ITGAV: variants seen among roughly 807,000 people sequenced by gnomAD.
ITGAV encodes the protein integrin subunit alpha V.
In ITGAV, 76 loss-of-function variants were observed where a neutral mutation model predicts 143.8. That is an observed-to-expected ratio of 0.53 (90% CI 0.44 to 0.64). The LOEUF (loss-of-function observed/expected upper bound fraction) is 0.64, where lower values mean the gene tolerates loss of function less well. ITGAV is among the 30% of genes least tolerant of loss of function. ITGAV has a pLI of 0.00. For missense variants in ITGAV, 1,193 were observed against 1,274.7 expected, an observed-to-expected ratio of 0.94 and a Z score of 0.98; for synonymous variants, 453 against 446.7, an observed-to-expected ratio of 1.01 and a Z score of -0.18.
At chr2:186,668,211 TATATA>T (rs1240925235) in intron 24 of ITGAV, among the ~76,000 whole-genome samples, 21 of 26,340 alleles carry the variant, frequency 8.0e-4, no homozygotes, top group African/African-American at 2.1e-3. Flanking sequence ...TATATATATA[TATATA>T]TTTTTTTTTT....
chr2:186,616,345 C>G (rs968258475), intron 2 of ITGAV, among the ~76,000 whole-genome samples: 8 of 132,364 alleles, frequency 6.0e-5, no homozygotes, highest in Admixed American at 3.6e-4. Flanking sequence ...GTGGCACGAT[C>G]TCGGCTCACT....
intron 2 of ITGAV, among the ~76,000 whole-genome samples, chr2:186,607,848 C>A (rs1487007576): frequency 6.6e-6 from 1 of 152,008 alleles, no homozygotes; most frequent in Non-Finnish European, 1.5e-5. Flanking sequence ...TGGCCCCTGA[C>A]GTTAAGTTGC....
chr2:186,636,260 T>C (rs1160913282), intron 7 of ITGAV, 53 bp downstream of exon 7: 1 of 1,408,786 alleles, frequency 7.1e-7, no homozygotes, highest in African/African-American at 1.4e-5. Flanking sequence ...ATATATCTTA[T>C]ATCTGAGTAT....
chr2:186,623,163 A>G (rs1352657011), intron 3 of ITGAV, among the ~76,000 whole-genome samples: 2 of 152,120 alleles, frequency 1.3e-5, no homozygotes, highest in Admixed American at 6.5e-5. Context: ...AATGTTTTCT[A>G]TGGTAACCAT....
chr2:186,636,435 C>A (rs1030547872), intron 7 of ITGAV, among the ~76,000 whole-genome samples: 1 of 152,144 alleles, frequency 6.6e-6, no homozygotes, highest in Non-Finnish European at 1.5e-5. Flanking sequence ...TAATAGCTAG[C>A]CTTTAAGATA....
rs1473430076 is a variant in ITGAV, at chr2:186,622,275, A to G, written c.317-64A>G. ...TATTTCTCAACCTAGCTGGGGATAA[A>G]AATAAACTGTTATATTAAGAATAGT... is the stretch of plus-strand genomic sequence containing the variant. On this transcript the variant is annotated intron_variant, in intron 2 of 29. Transcript: ENST00000261023. The G allele has an allele frequency of 7.9e-6, 9 of 1,142,192 alleles. No individual in the cohort carries two copies. In the Middle Eastern group the frequency reaches 5.9e-4, roughly 75 times the overall value. 70.8% of individuals were successfully genotyped at this position (1,142,192 alleles called of 1,614,324 possible).
chr2:186,612,151 A>G (rs551601849), intron 2 of ITGAV, among the ~76,000 whole-genome samples: 1 of 152,298 alleles, frequency 6.6e-6, no homozygotes, highest in Admixed American at 6.5e-5. Context: ...AACTTCTGTT[A>G]TTGTGACATT....
chr2:186,605,110 A>C (rs1025482935), intron 2 of ITGAV, among the ~76,000 whole-genome samples: 19 of 152,222 alleles, frequency 1.2e-4, no homozygotes, highest in Admixed American at 6.5e-5. Context: ...CACTAGTTAA[A>C]ATGTGACCTC....
rs1391724682 is a variant in ITGAV, at chr2:186,638,430, A to G, written c.868A>G (p.Asn290Asp). ...LGMVYIYDGK[N>D]MSSLYNFTGE... ...ACAGGTTTATATTTATGATGGGAAG[A>G]ACATGTCCTCCTTATACAATTTTAC... Residue 290 changes from asparagine to aspartate, a missense_variant, in exon 10 of 30, where the codon AAC becomes GAC. Physicochemically the swap from Asn to Asp is conservative, Grantham distance 23 (BLOSUM62 1). Transcript: ENST00000261023. 1.2e-6 allele frequency: 2 copies of G among 1,611,860 alleles called. No individual in the cohort carries two copies. The highest frequency in any genetic ancestry group is 1.1e-5 in the South Asian group (1 of 90,988).
chr2:186,613,579 A>G (rs1327660018), intron 2 of ITGAV, among the ~76,000 whole-genome samples: 3 of 152,308 alleles, frequency 2.0e-5, no homozygotes, highest in African/African-American at 7.2e-5. Flanking sequence ...ATTTTTGTAT[A>G]TATAAATGAT....
chr2:186,590,580 C>G, intron 1 of ITGAV, 57 bp downstream of exon 1: 2 of 1,491,218 alleles, frequency 1.3e-6, no homozygotes. Context: ...GCGCACCCAC[C>G]CAGCGTTTCT....
chr2:186,600,040 G>A (rs532034497), intron 1 of ITGAV, among the ~76,000 whole-genome samples: 12 of 152,216 alleles, frequency 7.9e-5, no homozygotes, highest in African/African-American at 2.9e-4. Context: ...TTCTTTAGTA[G>A]ATGATTTCAT....
intron 1 of ITGAV, among the ~76,000 whole-genome samples, chr2:186,593,224 G>C (rs1158318610): frequency 2.0e-5 from 3 of 152,094 alleles, no homozygotes; most frequent in Non-Finnish European, 2.9e-5. Context: ...TGGGGAAGCT[G>C]TAGAATTATT....
At chr2:186,642,067 T>C (rs1688118750) in intron 12 of ITGAV, among the ~76,000 whole-genome samples, 3 of 152,256 alleles carry the variant, frequency 2.0e-5, no homozygotes, top group Admixed American at 1.3e-4. Context: ...CAAAATGTTC[T>C]AAGGGATGTT....
chr2:186,660,329 C>CT (rs1328399611), intron 18 of ITGAV, among the ~76,000 whole-genome samples: 1 of 152,060 alleles, frequency 6.6e-6, no homozygotes. Flanking sequence ...ATTTGACTTC[C>CT]TTTTTTTCCC....
chr2:186,628,205 A>T (rs1687726131), intron 4 of ITGAV, among the ~76,000 whole-genome samples: 1 of 152,174 alleles, frequency 6.6e-6, no homozygotes, highest in Admixed American at 6.5e-5. Flanking sequence ...GCAAACGAAT[A>T]ATTGGTTTTA....
intron 2 of ITGAV, among the ~76,000 whole-genome samples, chr2:186,616,529 C>T (rs930464775): frequency 2.0e-5 from 3 of 151,950 alleles, no homozygotes; most frequent in Admixed American, 6.6e-5. Flanking sequence ...CCGCCCGCCT[C>T]GGCCTCCCAA....
intron 1 of ITGAV, among the ~76,000 whole-genome samples, chr2:186,596,909 G>T (rs1686764704): frequency 1.3e-5 from 2 of 151,964 alleles, no homozygotes; most frequent in African/African-American, 2.4e-5. Context: ...ATGGCATTTT[G>T]GATGAAAAAC....
intron 2 of ITGAV, among the ~76,000 whole-genome samples, chr2:186,602,391 GATA>G (rs1469024963): frequency 1.3e-5 from 2 of 152,164 alleles, no homozygotes; most frequent in African/African-American, 4.8e-5. Context: ...GCCGTAAACT[GATA>G]ATATCAACCC....
Sources: allele counts gnomAD v4.1 joint callset (sites outside exome capture counted in the v4.1 genomes callset), GRCh38; gene constraint gnomAD v4.1.1; transcripts MANE v1.5; gene names NCBI Gene and HGNC (gene_info 2026-07-23, HGNC 2026-07-21).